The following THSD7B variants were observed in gnomAD, a reference collection of about 807,000 sequenced individuals.
The protein encoded by THSD7B is thrombospondin type-1 domain-containing protein 7B.
Under a neutral mutation model 213.6 loss-of-function variants are expected in THSD7B, and 138 were observed. That is an observed-to-expected ratio of 0.65 (90% CI 0.56 to 0.74). The LOEUF is 0.74. Ranked by LOEUF, THSD7B falls within the 30% of genes least tolerant of loss-of-function variation. THSD7B has a pLI of 0.00. For missense variants in THSD7B, 1,931 were observed against 1,991.5 expected (o/e 0.97, Z 0.58); for synonymous variants, 742 against 687.0 (o/e 1.08, Z -1.25).
intron 1 of THSD7B, among the ~76,000 whole-genome samples, chr2:136,795,112 C>G (rs1482511208): frequency 6.6e-6 from 1 of 151,958 alleles, no homozygotes; most frequent in Admixed American, 6.6e-5. Context: ...GACAAACTGT[C>G]ATAGCTCGTT....
At chr2:137,182,910 T>C (rs987596966) in intron 7 of THSD7B, among the ~76,000 whole-genome samples, 9 of 152,188 alleles carry the variant, frequency 5.9e-5, no homozygotes, top group South Asian at 2.1e-4. Flanking sequence ...AAATTTGATA[T>C]AGATGCTGAT....
At chr2:137,236,091 A>G (rs1402437048) in intron 9 of THSD7B, among the ~76,000 whole-genome samples, 1 of 152,178 alleles carries the variant, frequency 6.6e-6, no homozygotes, top group Non-Finnish European at 1.5e-5. Context: ...CTCCAGAAAT[A>G]TATTTTTGCT....
chr2:137,011,541 C>A (rs1182267186), intron 2 of THSD7B, among the ~76,000 whole-genome samples: 1 of 152,124 alleles, frequency 6.6e-6, no homozygotes, highest in Admixed American at 6.5e-5. Context: ...AAAATGTCCC[C>A]CGACATTGCC....
At chr2:136,814,212 G>C (rs1312336236) in intron 1 of THSD7B, among the ~76,000 whole-genome samples, 2 of 152,124 alleles carry the variant, frequency 1.3e-5, no homozygotes, top group Admixed American at 6.5e-5. Context: ...CATGTAAAAT[G>C]AAAGTGGGTT....
At chr2:137,171,108 A>T (rs183094709) in intron 7 of THSD7B, among the ~76,000 whole-genome samples, 170 bp downstream of exon 7, 11 of 152,290 alleles carry the variant, frequency 7.2e-5, no homozygotes, top group Non-Finnish European at 1.3e-4. Context: ...AGGTGCCGTG[A>T]CTTAATATGG....
At chr2:137,634,286 T>C (rs567066143) in intron 20 of THSD7B, among the ~76,000 whole-genome samples, 1 of 152,262 alleles carries the variant, frequency 6.6e-6, no homozygotes, top group African/African-American at 2.4e-5. Flanking sequence ...TTAACTTATG[T>C]TCAAAAGAAG....
chr2:137,127,357 T>A (rs1688648576), intron 5 of THSD7B, among the ~76,000 whole-genome samples: 1 of 152,214 alleles, frequency 6.6e-6, no homozygotes, highest in South Asian at 2.1e-4. Context: ...TAACTTACAG[T>A]GGCACACCAT....
chr2:137,209,720 C>T (rs2375448), intron 7 of THSD7B, among the ~76,000 whole-genome samples: 151,594 of 152,176 alleles, frequency 1, 75,514 homozygotes, highest in Middle Eastern at 1. Flanking sequence ...CAAGTTACCA[C>T]GTATTATCTA....
chr2:137,409,019 C>T (rs182267042), intron 13 of THSD7B, among the ~76,000 whole-genome samples: 46 of 152,274 alleles, frequency 3.0e-4, no homozygotes, highest in Admixed American at 8.5e-4. Flanking sequence ...AACATGCTAG[C>T]GGCAGAGTGG....
intron 12 of THSD7B, among the ~76,000 whole-genome samples, chr2:137,340,316 A>G (rs764261180): frequency 2.1e-4 from 32 of 152,042 alleles, no homozygotes; most frequent in Admixed American, 5.9e-4. Flanking sequence ...AATTCAGAGG[A>G]TAATTTTTAT....
intron 1 of THSD7B, among the ~76,000 whole-genome samples, chr2:136,805,748 T>C (rs1321895201): frequency 1.3e-5 from 2 of 152,154 alleles, no homozygotes; most frequent in African/African-American, 2.4e-5. Context: ...TTAATTCCCA[T>C]GGTTTTGTCC....
At chr2:137,230,515 CA>C (rs559859608) in intron 7 of THSD7B, among the ~76,000 whole-genome samples, 1 of 152,140 alleles carries the variant, frequency 6.6e-6, no homozygotes, top group Non-Finnish European at 1.5e-5. Flanking sequence ...ATTTTAGCCA[CA>C]GGTCCATTTT....
chr2:137,273,871 T>C (rs867018711), intron 11 of THSD7B, among the ~76,000 whole-genome samples: 1 of 152,086 alleles, frequency 6.6e-6, no homozygotes, highest in Non-Finnish European at 1.5e-5. Flanking sequence ...AAAAGAGCTC[T>C]CAAGGAAAGT....
intron 7 of THSD7B, among the ~76,000 whole-genome samples, chr2:137,181,301 G>A (rs1184551758): frequency 6.6e-6 from 1 of 152,192 alleles, no homozygotes; most frequent in East Asian, 1.9e-4. Context: ...GAGGGTGATA[G>A]TGGAGCTGCT....
At chr2:136,800,263 A>G (rs570870368) in intron 1 of THSD7B, among the ~76,000 whole-genome samples, 7 of 151,840 alleles carry the variant, frequency 4.6e-5, no homozygotes, top group Non-Finnish European at 8.8e-5. Flanking sequence ...AGTTTCTGCT[A>G]TTTTTTTCAA....
chr2:137,655,672 T>C lies in THSD7B; in HGVS notation c.4105+12T>C. 6.2e-7 allele frequency: 1 copy of C among 1,610,472 alleles called. No individual in the cohort carries two copies. Among genetic ancestry groups the C allele is most frequent in the African/African-American group, 1.3e-5 (1 of 75,006 alleles). On this transcript the variant is annotated intron_variant, in intron 22 of 27. Transcript: ENST00000409968. ...TGTGCCTTGCCCAGGTATGCAATGCTAGTGATTGGGAGCGCCTCCCATGGT... is the reference window on the plus strand; with the variant it reads ...TGTGCCTTGCCCAGGTATGCAATGCCAGTGATTGGGAGCGCCTCCCATGGT...
At chr2:136,887,158 G>A (rs768706390) in intron 2 of THSD7B, among the ~76,000 whole-genome samples, 9 of 152,258 alleles carry the variant, frequency 5.9e-5, no homozygotes, top group South Asian at 2.1e-4. Context: ...ACATCACAGT[G>A]TGGTGGAATC....
rs567898009 is a variant in THSD7B, at chr2:137,617,537, C to T, written c.3566-855C>T. On this transcript the variant is annotated intron_variant, in intron 18 of 27. Coordinates refer to ENST00000409968, the MANE Select transcript of THSD7B (RefSeq NM_001316349.2). ...TAACAGTCCATACAGTTTTGTGTGC[C>T]CTTCCCTCTTTCTTTCCCGGAGCAT... Among the ~76,000 whole-genome samples, 3 of 151,810 alleles carry T rather than the reference C, an allele frequency of 2.0e-5. No homozygotes were observed. The East Asian group carries it at 5.8e-4, about 29-fold the overall frequency.
rs181258999 is a variant in THSD7B, at chr2:137,346,217, A to T, written c.2501-59396A>T. Among the ~76,000 whole-genome samples the T allele has an allele frequency of 4.7e-3, 716 of 151,524 alleles. 8 individuals carry two copies. Among genetic ancestry groups the T allele is most frequent in the Non-Finnish European group, 4.2e-3 (284 of 67,692 alleles). On this transcript the variant is annotated intron_variant, in intron 12 of 27. Transcript: ENST00000409968. ...AGAACAGTTTAATCTTGCAAAACAA[A>T]CTCTCTAGCCACTGAAACGTTATAC...
Sources: gnomAD v4.1 joint callset for allele counts (sites outside exome capture counted in the v4.1 genomes callset) on GRCh38, gnomAD v4.1.1 for gene constraint, MANE v1.5 for transcripts, NCBI Gene and HGNC (gene_info 2026-07-23, HGNC 2026-07-21) for gene names.